Variants in GCM1 observed in about 807,000 individuals in gnomAD.
GCM1 encodes the protein GCM transcription factor 1.
In GCM1, 2 loss-of-function variants were observed where a neutral mutation model predicts 25.7. The observed-to-expected ratio is 0.08, with a 90% CI of 0.03 to 0.24. The LOEUF is 0.24. Among genes scored for constraint, GCM1 ranks in the 10% least tolerant of loss-of-function variants. The probability of loss-of-function intolerance (pLI) is 1.00; values close to 1 mark genes in which losing one functional copy is unlikely to be tolerated. For missense variants in GCM1, 395 were observed against 538.7 expected (o/e 0.73, Z 2.64); for synonymous variants, 183 against 195.7 (o/e 0.94, Z 0.54).
intron 2 of GCM1, among the ~76,000 whole-genome samples, chr6:53,137,642 A>G (rs1476661205): frequency 2.0e-5 from 3 of 152,038 alleles, no homozygotes; most frequent in African/African-American, 7.2e-5. Flanking sequence ...ACAAAACAAA[A>G]CAAAATTTGA....
At chr6:53,144,034 C>A (rs1190304472) in intron 2 of GCM1, among the ~76,000 whole-genome samples, 1 of 152,078 alleles carries the variant, frequency 6.6e-6, no homozygotes, top group African/African-American at 2.4e-5. Flanking sequence ...CTGGTGGTGT[C>A]CAGTCCTAGC....
chr6:53,132,685 T>C (rs1262112161), intron 3 of GCM1, among the ~76,000 whole-genome samples: 1 of 152,158 alleles, frequency 6.6e-6, no homozygotes, highest in East Asian at 1.9e-4. Context: ...GCATGCCAGC[T>C]TGGGTGACAG....
chr6:53,127,055 C>T lies in GCM1; in HGVS notation c.*1151G>A, dbSNP rs1197381990. 1 of 152,170 alleles carries T rather than the reference C, an allele frequency of 6.6e-6. No homozygotes were observed. Among genetic ancestry groups the T allele is most frequent in the Non-Finnish European group, 1.5e-5 (1 of 68,038 alleles). 9.4% of individuals were successfully genotyped at this position (152,170 alleles called of 1,614,324 possible). A position where few individuals can be genotyped will look rare whatever the true frequency, so the allele number is the denominator to read the frequency against. ...AAAGTACTTCAGCAAAGAAGAGAAA[C>T]TGGCATTCAAACATGGCCGGCCAAT... is the stretch of plus-strand genomic sequence containing the variant. On this transcript the variant is annotated 3_prime_UTR_variant, in exon 6 of 6. Coordinates refer to ENST00000259803, the MANE Select transcript of GCM1 (RefSeq NM_003643.4).
chr6:53,130,838 C>G lies in GCM1; in HGVS notation c.535G>C (p.Val179Leu). 1 of 1,613,914 alleles carries G rather than the reference C, an allele frequency of 6.2e-7. No individual in the cohort carries two copies. The highest frequency in any genetic ancestry group is 8.5e-7 in the Non-Finnish European group (1 of 1,179,794). Reference protein sequence around the residue: ...MKKVNTAPSSVSLSLKGSTET... With the variant: ...MKKVNTAPSSLSLSLKGSTET... ...GTGCTCCCCTTCAGGCTCAATGAGA[C>G]GGAGGAAGGTGCTGTGTTCACTTTC... The change falls in exon 5 of 6, where the codon GTC becomes CTC. Residue 179 changes from valine (V) to leucine (L), a missense_variant. By Grantham distance (32) the Val-to-Leu change is conservative. Transcript: ENST00000259803.
At chr6:53,147,748 G>C (rs1386187897) in intron 1 of GCM1, among the ~76,000 whole-genome samples, 1 of 152,026 alleles carries the variant, frequency 6.6e-6, no homozygotes, top group East Asian at 1.9e-4. Flanking sequence ...GTTATTTAGT[G>C]TTATATAATC....
At position 53,145,648 on chromosome 6, in the gene GCM1, GC is replaced by G; in HGVS notation, c.-17del. On this transcript the variant is annotated 5_prime_UTR_variant, in exon 2 of 6. Coordinates refer to ENST00000259803, the MANE Select transcript of GCM1 (RefSeq NM_003643.4). ...CAGGTTCCATGATAAGGTCAGGCCA[GC>G]CAAGGTTTTCACCTATTCGACTCCC... The G allele has an allele frequency of 6.6e-7, 1 of 1,521,826 alleles. No individual in the cohort carries two copies. Among genetic ancestry groups the G allele is most frequent in the Non-Finnish European group, 9.1e-7 (1 of 1,097,074 alleles). The allele number at this position is 1,521,826 out of a possible 1,614,324, so 94.3% of individuals were successfully genotyped here.
At chr6:53,129,793 C>T (rs1581848503) in intron 5 of GCM1, among the ~76,000 whole-genome samples, 1 of 151,862 alleles carries the variant, frequency 6.6e-6, no homozygotes, top group Non-Finnish European at 1.5e-5. Context: ...TCTTTGAATT[C>T]GTGGGAATTT....
At chr6:53,148,216 A>G (rs1398742910) in intron 1 of GCM1, among the ~76,000 whole-genome samples, 2 of 152,254 alleles carry the variant, frequency 1.3e-5, no homozygotes, top group Admixed American at 1.3e-4. Flanking sequence ...AGTTCCGTGT[A>G]CTTACCCTGA....
At chr6:53,137,740 G>C (rs531394507) in intron 2 of GCM1, among the ~76,000 whole-genome samples, 84 of 152,330 alleles carry the variant, frequency 5.5e-4, no homozygotes, top group African/African-American at 1.9e-3. Flanking sequence ...GGATAGCAGA[G>C]ATGAGGGCAA....
chr6:53,145,444 G>C, intron 2 of GCM1, 114 bp downstream of exon 2: 1 of 741,842 alleles, frequency 1.3e-6, no homozygotes, highest in South Asian at 1.5e-5. Flanking sequence ...AACTCTAGGG[G>C]AGAGGAATTT....
chr6:53,147,998 C>T (rs1763989169), intron 1 of GCM1, among the ~76,000 whole-genome samples: 1 of 152,140 alleles, frequency 6.6e-6, no homozygotes, highest in African/African-American at 2.4e-5. Flanking sequence ...TCCACATACC[C>T]ATACTGAGCT....
chr6:53,138,821 A>G (rs2518572), intron 2 of GCM1, among the ~76,000 whole-genome samples: 102,624 of 152,070 alleles, frequency 0.67, 35,302 homozygotes, highest in Admixed American at 0.73. Flanking sequence ...TTTTACTAAC[A>G]GATTTAATCC....
At position 53,132,072 on chromosome 6, in the gene GCM1, G is replaced by T. The variant is rs368526807; in HGVS notation, c.376C>A (p.Arg126=). Residue 126 remains arginine, a synonymous_variant, in exon 4 of 6, where the codon CGA becomes AGA. Coordinates refer to ENST00000259803, the MANE Select transcript of GCM1 (RefSeq NM_003643.4). Reference sequence around the variant, plus strand: ...GTGACCGGGAAGCCCCCATGACCTCGGCAAGGGATGAGCTTCAGAGGCCCG... The same window carrying T: ...GTGACCGGGAAGCCCCCATGACCTCTGCAAGGGATGAGCTTCAGAGGCCCG... ...CDGPLKLIPC[R]GHGGFPVTNF... 4 of 1,613,268 alleles carry T rather than the reference G, an allele frequency of 2.5e-6. No individual in the cohort carries two copies. The highest frequency in any genetic ancestry group is 3.4e-6 in the Non-Finnish European group (4 of 1,179,352).
rs1763660602 is a variant in GCM1 at position 53,127,739 on chromosome 6, G to GGGCTGACATGTGC, written c.*466_*467insGCACATGTCAGCC. 1 of 152,778 alleles carries GGGCTGACATGTGC rather than the reference G, an allele frequency of 6.5e-6. No homozygotes were observed. Among genetic ancestry groups the GGGCTGACATGTGC allele is most frequent in the African/African-American group, 2.4e-5 (1 of 41,494 alleles). The allele number at this position is 152,778 out of a possible 1,614,324, so 9.5% of individuals were successfully genotyped here. On this transcript the variant is annotated 3_prime_UTR_variant, in exon 6 of 6. Coordinates refer to ENST00000259803, the MANE Select transcript of GCM1 (RefSeq NM_003643.4). ...AAAAATTACTCATGTGAAGAAAAAA[G>GGGCTGACATGTGC]CCTTGTCAGCCGGGCACAATGGCTC...
At chr6:53,133,331 A>ATGTG (rs5876306) in intron 3 of GCM1, among the ~76,000 whole-genome samples, 13,910 of 145,068 alleles carry the variant, frequency 0.096, 678 homozygotes, top group East Asian at 0.14. Context: ...CACCCGGCAA[A>ATGTG]TGTGTGTGTG....
intron 2 of GCM1, among the ~76,000 whole-genome samples, chr6:53,137,263 C>G (rs1002117258): frequency 3.3e-5 from 5 of 152,136 alleles, no homozygotes; most frequent in Non-Finnish European, 7.4e-5. Context: ...CCTCTCCTCC[C>G]CAATTCTCTG....
intron 2 of GCM1, among the ~76,000 whole-genome samples, chr6:53,136,055 T>A (rs1763794364): frequency 6.6e-6 from 1 of 152,244 alleles, no homozygotes; most frequent in Non-Finnish European, 1.5e-5. Flanking sequence ...TTGAATGGAA[T>A]GTCATGGGGC....
At chr6:53,138,593 C>T (rs762691930) in intron 2 of GCM1, among the ~76,000 whole-genome samples, 1 of 152,158 alleles carries the variant, frequency 6.6e-6, no homozygotes, top group Non-Finnish European at 1.5e-5. Context: ...TAGCGAATCC[C>T]CACAAAATAC....
At chr6:53,146,202 A>ATG (rs776589342) in intron 1 of GCM1, among the ~76,000 whole-genome samples, 28,304 of 94,130 alleles carry the variant, frequency 0.3, 3,529 homozygotes, top group African/African-American at 0.43. Flanking sequence ...TTTTATATAT[A>ATG]TATATATATA....
Sources: gnomAD v4.1 joint callset for allele counts (sites outside exome capture counted in the v4.1 genomes callset) on GRCh38, gnomAD v4.1.1 for gene constraint, MANE v1.5 for transcripts, NCBI Gene and HGNC (gene_info 2026-07-23, HGNC 2026-07-21) for gene names.